The following HNF4G variants were observed in gnomAD, a reference collection of about 807,000 sequenced individuals.
HNF4G encodes the protein hepatocyte nuclear factor 4-gamma.
In HNF4G, 21 loss-of-function variants were observed where a neutral mutation model predicts 50.9. The observed-to-expected ratio is 0.41, with a 90% CI of 0.29 to 0.59. The LOEUF (loss-of-function observed/expected upper bound fraction) is 0.59. Among genes scored for constraint, HNF4G ranks in the 20% least tolerant of loss-of-function variants. HNF4G has a pLI of 0.26. For missense variants in HNF4G, 527 were observed against 559.4 expected (o/e 0.94, Z 0.58); for synonymous variants, 198 against 185.6 (o/e 1.07, Z -0.54).
chr8:75,465,541 G>A (rs553564126), intron 1 of HNF4G, among the ~76,000 whole-genome samples: 2 of 152,124 alleles, frequency 1.3e-5, no homozygotes, highest in South Asian at 4.1e-4. Context: ...AGAAGTTTCA[G>A]AGACTAAAGG....
At chr8:75,522,290 T>C (rs1334803899) in intron 2 of HNF4G, among the ~76,000 whole-genome samples, 2 of 152,210 alleles carry the variant, frequency 1.3e-5, no homozygotes, top group Non-Finnish European at 2.9e-5. Flanking sequence ...CCAGTGTTTA[T>C]ATAGCTTGGA....
At chr8:75,483,675 T>C (rs1198438209) in intron 1 of HNF4G, among the ~76,000 whole-genome samples, 1 of 152,172 alleles carries the variant, frequency 6.6e-6, no homozygotes, top group Non-Finnish European at 1.5e-5. Flanking sequence ...ATGCTGGACT[T>C]AGGTAAATGA....
At chr8:75,418,367 T>C (rs1810692369) in intron 1 of HNF4G, among the ~76,000 whole-genome samples, 1 of 152,166 alleles carries the variant, frequency 6.6e-6, no homozygotes, top group African/African-American at 2.4e-5. Context: ...GTTCAGCCAA[T>C]AATAACAGGG....
At chr8:75,456,194 CT>C (rs1015110299) in intron 1 of HNF4G, among the ~76,000 whole-genome samples, 49 of 152,116 alleles carry the variant, frequency 3.2e-4, no homozygotes, top group Middle Eastern at 3.4e-3. Flanking sequence ...TGTATAAGAT[CT>C]TTACAGGGTA....
chr8:75,537,760 G>T (rs1369301066), upstream of HNF4G, among the ~76,000 whole-genome samples: 1 of 151,800 alleles, frequency 6.6e-6, no homozygotes, highest in East Asian at 1.9e-4. Flanking sequence ...TGAGACTTAT[G>T]AAAAAAAATT....
At chr8:75,426,515 T>C (rs1810893208) in intron 1 of HNF4G, among the ~76,000 whole-genome samples, 1 of 152,232 alleles carries the variant, frequency 6.6e-6, no homozygotes, top group Non-Finnish European at 1.5e-5. Flanking sequence ...AAAAATTTCC[T>C]TCAACACAGG....
At chr8:75,418,072 A>G (rs1300048408) in intron 1 of HNF4G, among the ~76,000 whole-genome samples, 1 of 152,142 alleles carries the variant, frequency 6.6e-6, no homozygotes, top group African/African-American at 2.4e-5. Context: ...ACAGAAATTT[A>G]TCTTTTCACA....
intron 2 of HNF4G, among the ~76,000 whole-genome samples, chr8:75,516,509 C>G (rs571392067): frequency 6.6e-6 from 1 of 151,988 alleles, no homozygotes; most frequent in Non-Finnish European, 1.5e-5. Context: ...CTTGAATGTT[C>G]CCTGTGCACT....
Position 75,543,947 on chromosome 8 carries a change from C to T in HNF4G, c.255C>T (p.Arg85=), listed in dbSNP as rs775584845. 6.6e-5 allele frequency: 106 copies of T among 1,601,604 alleles called. No individual in the cohort carries two copies. Among genetic ancestry groups the T allele is most frequent in the Non-Finnish European group, 4.9e-5 (58 of 1,172,932 alleles). Residue 85 remains arginine (R), a synonymous_variant, in exon 2 of 10, where the codon CGC becomes CGT. Coordinates refer to ENST00000396423, the MANE Select transcript of HNF4G (RefSeq NM_004133.5). ...SCDGCKGFFR[R]SIRKSHVYSC... ...ATGGGTGCAAGGGTTTCTTCAGACG[C>T]AGCATTCGTAAGAGTCACGTTTATT...
At chr8:75,531,746 A>G (rs896362894) in intron 2 of HNF4G, among the ~76,000 whole-genome samples, 2 of 152,112 alleles carry the variant, frequency 1.3e-5, no homozygotes, top group Non-Finnish European at 2.9e-5. Flanking sequence ...TAGGTACTCT[A>G]AAGATAATTT....
At chr8:75,526,169 C>T (rs1435942855) in intron 2 of HNF4G, among the ~76,000 whole-genome samples, 1 of 151,590 alleles carries the variant, frequency 6.6e-6, no homozygotes, top group Non-Finnish European at 1.5e-5. Context: ...CACTCTGTCA[C>T]CCAGGCTGGA....
rs1468793979 is a variant in HNF4G, at chr8:75,551,461, C to A, written c.456C>A (p.Asn152Lys). ...TFDGSNIPSI[N>K]TLAQAEVRSR... ...ATGGCAGCAACATCCCCTCCATTAA[C>A]ACACTGGCACAAGCTGAAGTTCGGT... Residue 152 changes from asparagine (N) to lysine (K), a missense_variant, in exon 4 of 10, where the codon AAC (asparagine) becomes AAA (lysine). Coordinates refer to ENST00000396423, the MANE Select transcript of HNF4G (RefSeq NM_004133.5). 11 of 1,612,176 alleles carry A rather than the reference C, an allele frequency of 6.8e-6. No individual in the cohort carries two copies. Among genetic ancestry groups the A allele is most frequent in the Non-Finnish European group, 9.3e-6 (11 of 1,178,490 alleles).
chr8:75,461,185 A>G (rs1811830418), intron 1 of HNF4G, among the ~76,000 whole-genome samples: 1 of 152,170 alleles, frequency 6.6e-6, no homozygotes, highest in South Asian at 2.1e-4. Flanking sequence ...TTACAGCTCG[A>G]GGTCAGAAGT....
chr8:75,421,428 T>C (rs1563499403), intron 1 of HNF4G, among the ~76,000 whole-genome samples: 1 of 152,228 alleles, frequency 6.6e-6, no homozygotes, highest in East Asian at 1.9e-4. Context: ...TTAGATTAGA[T>C]ATACCAGCTT....
chr8:75,478,765 CTG>C (rs1223108668), intron 1 of HNF4G, among the ~76,000 whole-genome samples: 1 of 152,148 alleles, frequency 6.6e-6, no homozygotes, highest in South Asian at 2.1e-4. Context: ...GTTGCCCAGA[CTG>C]GAGTGCAATC....
chr8:75,561,311 C>T (rs1000712712), intron 9 of HNF4G, among the ~76,000 whole-genome samples: 1 of 152,202 alleles, frequency 6.6e-6, no homozygotes, highest in Admixed American at 6.6e-5. Flanking sequence ...ACAACAGCAG[C>T]GGCAACATTC....
At chr8:75,470,727 T>C (rs1294498618) in intron 1 of HNF4G, among the ~76,000 whole-genome samples, 1 of 152,232 alleles carries the variant, frequency 6.6e-6, no homozygotes, top group East Asian at 1.9e-4. Flanking sequence ...AAGCCTGACA[T>C]TGTGTCAAGG....
intron 1 of HNF4G, among the ~76,000 whole-genome samples, chr8:75,421,941 A>G (rs1433209155): frequency 6.6e-6 from 1 of 152,022 alleles, no homozygotes; most frequent in Non-Finnish European, 1.5e-5. Context: ...GTTTGTTTCT[A>G]TGTGTGTGTG....
intron 2 of HNF4G, among the ~76,000 whole-genome samples, chr8:75,512,564 A>G (rs572389680): frequency 6.6e-6 from 1 of 151,880 alleles, no homozygotes; most frequent in South Asian, 2.1e-4. Context: ...TCCCGGGTTC[A>G]TGCCATTCTC....
Sources: allele counts gnomAD v4.1 joint callset (sites outside exome capture counted in the v4.1 genomes callset), GRCh38; gene constraint gnomAD v4.1.1; transcripts MANE v1.5; gene names NCBI Gene and HGNC (gene_info 2026-07-23, HGNC 2026-07-21).